Variants in GPI observed in about 807,000 individuals in gnomAD.
GPI encodes the protein glucose-6-phosphate isomerase.
In GPI, 56 loss-of-function variants were observed where a neutral mutation model predicts 75.8. The ratio of observed to expected loss-of-function variants is 0.74; its 90% confidence interval spans 0.60 to 0.92. GPI has a LOEUF of 0.92. GPI is among the 40% of genes least tolerant of loss of function. The probability of loss-of-function intolerance (pLI) is 0.00; values close to 1 mark genes in which losing one functional copy is unlikely to be tolerated. For synonymous variants in GPI, 288 were observed against 285.4 expected, an observed-to-expected ratio of 1.01 and a Z score of -0.09; for missense variants, 638 against 741.0, an observed-to-expected ratio of 0.86 and a Z score of 1.61.
rs150670531 is a variant in GPI at position 34,401,467 on chromosome 19, C to A, written c.*1431C>A. On this transcript the variant is annotated 3_prime_UTR_variant, in exon 18 of 18. Coordinates refer to ENST00000356487, the MANE Select transcript of GPI (RefSeq NM_000175.5). ...CGATCTCCTGACCTCGTGATCCGCCCGCCTCAGCCTCCCAAAGTGCTGGGA... is the reference window on the plus strand; with the variant it reads ...CGATCTCCTGACCTCGTGATCCGCCAGCCTCAGCCTCCCAAAGTGCTGGGA... 282 of 151,996 alleles carry A rather than the reference C, an allele frequency of 1.9e-3. 2 individuals carry two copies. Among genetic ancestry groups the A allele is most frequent in the African/African-American group, 6.0e-3 (250 of 41,428 alleles). 9.4% of individuals were successfully genotyped at this position (151,996 alleles called of 1,614,324 possible).
Position 34,379,987 on chromosome 19 carries a change from TTTG to T in GPI, c.750+428_750+430del, listed in dbSNP as rs1360743161. On this transcript the variant is annotated intron_variant, in intron 8 of 17. Coordinates refer to ENST00000356487, the MANE Select transcript of GPI (RefSeq NM_000175.5). The stretch of plus-strand genomic sequence containing the variant: ...TTGCCCCCTACTTAGTGTGTGTGGT[TTTG>T]TTTTTTTTTTTTTTTTTTTTTTTTT... The T allele has an allele frequency of 1.1e-3, 181 of 163,604 alleles. 11 individuals are homozygous for T. The highest frequency in any genetic ancestry group is 4.8e-3 in the Middle Eastern group (2 of 418). The allele number at this position is 163,604 out of a possible 1,614,324, so 10.1% of individuals were successfully genotyped here.
At chr19:34,379,051 G>A in intron 7 of GPI, 46 bp downstream of exon 7, 1 of 1,523,582 alleles carries the variant, frequency 6.6e-7, no homozygotes. Flanking sequence ...TCTGGGCTGG[G>A]AAGAGCAGGG....
Position 34,398,954 on chromosome 19 carries a change from C to T in GPI, c.1270-253C>T, listed in dbSNP as rs946346420. ...GCTCCTGACCTCGTGGTCCATCCGC[C>T]TCGGCCTCCCAAAGTGTCGGGATTA... On this transcript the variant is annotated intron_variant, in intron 14 of 17. Transcript: ENST00000356487. The T allele has an allele frequency of 7.3e-5, 26 of 354,698 alleles. No individual in the cohort carries two copies. The East Asian group carries it at 1.6e-3, about 22-fold the overall frequency. The allele number at this position is 354,698 out of a possible 1,614,324, so 22.0% of individuals were successfully genotyped here.
chr19:34,375,134 C>T (rs1000872332), intron 4 of GPI, among the ~76,000 whole-genome samples: 5 of 142,684 alleles, frequency 3.5e-5, no homozygotes, highest in Non-Finnish European at 7.4e-5. Context: ...TGGGTTAAAA[C>T]AGCAATACAC....
chr19:34,363,250 G>A (rs2074311065), upstream of GPI: 1 of 152,228 alleles, frequency 6.6e-6, no homozygotes, highest in African/African-American at 2.4e-5. Flanking sequence ...AGGCTGTAGT[G>A]AGACAAGATC....
upstream of GPI, among the ~76,000 whole-genome samples, chr19:34,363,774 C>A (rs897054057): frequency 2.6e-4 from 40 of 152,130 alleles, no homozygotes; most frequent in Non-Finnish European, 7.4e-5. Context: ...GAGCTGAGAT[C>A]ACGCCACTGC....
chr19:34,366,480 G>T (rs373498716), intron 2 of GPI, 45 bp downstream of exon 2: 3 of 1,374,100 alleles, frequency 2.2e-6, no homozygotes, highest in Non-Finnish European at 3.1e-6. Context: ...CGACAGAGTG[G>T]TGGGTGAGCT....
chr19:34,379,629 C>T, intron 8 of GPI, 67 bp downstream of exon 8: 3 of 1,287,424 alleles, frequency 2.3e-6, no homozygotes, highest in East Asian at 2.3e-5. Context: ...GTCATGGCCT[C>T]TCAGAGACGC....
At chr19:34,364,950 A>T, upstream of GPI, 1 of 1,526,348 alleles carries the variant, frequency 6.6e-7, no homozygotes. Context: ...GGCTCCAGTG[A>T]TCCCCGGGCT....
At chr19:34,378,649 C>G (rs1186082134) in intron 6 of GPI, among the ~76,000 whole-genome samples, 1 of 152,226 alleles carries the variant, frequency 6.6e-6, no homozygotes, top group South Asian at 2.1e-4. Flanking sequence ...GAGATACCTT[C>G]CAGCCTGGGC....
At chr19:34,368,551 G>C in intron 3 of GPI, 32 bp from the exon 4 acceptor site, 2 of 1,613,526 alleles carry the variant, frequency 1.2e-6, no homozygotes, top group South Asian at 2.2e-5. Context: ...GGTTGGGGGG[G>C]GCAGTCTTTA....
At chr19:34,360,309 A>G (rs1052899897), upstream of GPI, among the ~76,000 whole-genome samples, 3 of 152,092 alleles carry the variant, frequency 2.0e-5, no homozygotes, top group Admixed American at 6.5e-5. Flanking sequence ...AAATGACCTT[A>G]TGGCCAGGCA....
chr19:34,397,150 T>G (rs1052374579), intron 14 of GPI: 6 of 218,928 alleles, frequency 2.7e-5, no homozygotes, highest in African/African-American at 6.8e-5. Context: ...CAGCAGGCCC[T>G]GATGTGTCTC....
chr19:34,400,450 G>A lies in GPI; in HGVS notation c.*414G>A, dbSNP rs1046351483. 1.1e-4 allele frequency: 62 copies of A among 578,078 alleles called. 1 individual carries two copies. The East Asian group carries it at 1.3e-3, about 12-fold the overall frequency. 35.8% of individuals were successfully genotyped at this position (578,078 alleles called of 1,614,324 possible). ...GGACACTTAACACTAAGTGGTGAGC[G>A]GGTCTAGAGTGGAGCAAGGTGCCCT... is the stretch of plus-strand genomic sequence containing the variant. On this transcript the variant is annotated 3_prime_UTR_variant, in exon 18 of 18. Coordinates refer to ENST00000356487, the MANE Select transcript of GPI (RefSeq NM_000175.5).
chr19:34,376,496 G>A (rs1025730406), intron 4 of GPI, among the ~76,000 whole-genome samples: 4 of 151,856 alleles, frequency 2.6e-5, no homozygotes, highest in East Asian at 1.9e-4. Context: ...GCCTGGAGGC[G>A]GAGGCTGCAG....
At chr19:34,369,694 G>C (rs1393715103) in intron 4 of GPI, among the ~76,000 whole-genome samples, 1 of 136,184 alleles carries the variant, frequency 7.3e-6, no homozygotes. Context: ...GCGACAGAGG[G>C]AGACTCTGTC....
In GPI at chr19:34,383,323, G is replaced by A. The variant is rs550694528; in HGVS notation, c.804+1804G>A. ...ATAGGTCTGTGAATTCCAGAGGAGA[G>A]GCAGGTATTTAGAGGTGGTTCTGTC... On this transcript the variant is annotated intron_variant, in intron 9 of 17. Coordinates refer to ENST00000356487, the MANE Select transcript of GPI (RefSeq NM_000175.5). 9.1e-4 allele frequency among the ~76,000 whole-genome samples: 139 copies of A among 152,340 alleles called. 1 individual carries two copies. The highest frequency in any genetic ancestry group is 1.2e-3 in the Non-Finnish European group (85 of 68,030).
intron 4 of GPI, among the ~76,000 whole-genome samples, chr19:34,376,921 C>T (rs1427746391): frequency 2.0e-5 from 3 of 151,816 alleles, no homozygotes; most frequent in Non-Finnish European, 2.9e-5. Context: ...ATGCTGGTGG[C>T]GCAGGCTTGT....
chr19:34,365,171 A>T, upstream of GPI: 2 of 1,259,386 alleles, frequency 1.6e-6, no homozygotes, highest in Non-Finnish European at 2.0e-6. Flanking sequence ...TGCGCCATAA[A>T]GGCCGCCGCG....
Sources: allele counts gnomAD v4.1 joint callset (sites outside exome capture counted in the v4.1 genomes callset), GRCh38; gene constraint gnomAD v4.1.1; transcripts MANE v1.5; gene names NCBI Gene and HGNC (gene_info 2026-07-23, HGNC 2026-07-21).